The following DNASE2B variants were observed in gnomAD, a reference collection of about 807,000 sequenced individuals.
DNASE2B encodes the protein deoxyribonuclease-2-beta.
In DNASE2B, 43 loss-of-function variants were observed where a neutral mutation model predicts 46.0. The ratio of observed to expected loss-of-function variants is 0.94; its 90% confidence interval spans 0.73 to 1.21. The LOEUF is 1.21. Among genes scored for constraint, DNASE2B ranks in the 50% most tolerant of loss-of-function variants. The pLI is 0.00. For missense variants in DNASE2B, 395 were observed against 414.4 expected (o/e 0.95, Z 0.41); for synonymous variants, 156 against 152.5 (o/e 1.02, Z -0.17).
intron 1 of DNASE2B, among the ~76,000 whole-genome samples, chr1:84,399,515 C>T (rs1382139304): frequency 2.6e-5 from 4 of 152,078 alleles, no homozygotes; most frequent in African/African-American, 4.8e-5. Flanking sequence ...AGGTGGAACA[C>T]TGGGGAACAG....
chr1:84,411,095 T>C, intron 4 of DNASE2B, 96 bp downstream of exon 4: 8 of 1,374,162 alleles, frequency 5.8e-6, no homozygotes, highest in Middle Eastern at 1.8e-4. Context: ...TGTTAATCTA[T>C]TCATAGACCC....
At chr1:84,402,175 C>T in intron 2 of DNASE2B, 97 bp downstream of exon 2, 16 of 1,241,908 alleles carry the variant, frequency 1.3e-5, no homozygotes, top group East Asian at 2.7e-5. Flanking sequence ...CACCCAACCC[C>T]CAATCCTAGC....
chr1:84,401,668 C>T (rs1291225279), intron 1 of DNASE2B, among the ~76,000 whole-genome samples: 1 of 152,172 alleles, frequency 6.6e-6, no homozygotes, highest in African/African-American at 2.4e-5. Flanking sequence ...TCAGGGACTC[C>T]ACCCACCAGT....
chr1:84,400,188 G>A (rs965321508), intron 1 of DNASE2B, among the ~76,000 whole-genome samples: 1 of 152,094 alleles, frequency 6.6e-6, no homozygotes, highest in African/African-American at 2.4e-5. Flanking sequence ...GACCAACATG[G>A]AGAAACCCCA....
intron 4 of DNASE2B, 27 bp downstream of exon 4, chr1:84,411,026 A>G (rs1375129196): frequency 6.5e-7 from 1 of 1,537,076 alleles, no homozygotes; most frequent in Non-Finnish European, 8.7e-7. Context: ...TGAGAAAAAA[A>G]ACGATAACTA....
rs777991220 is a variant in DNASE2B at position 84,414,571 on chromosome 1, G to A, written c.789G>A (p.Leu263=). 1.2e-5 allele frequency: 19 copies of A among 1,613,820 alleles called. No homozygotes were observed. The highest frequency in any genetic ancestry group is 3.4e-6 in the Non-Finnish European group (4 of 1,179,946). ...TGGCTCAACGGCTGAAGACACACTT[G>A]TTAACAGAAACCTGGCAGCGAAAAA... ...AWMAQRLKTH[L]LTETWQRKRQ... The change falls in exon 6 of 6, where the codon TTG becomes TTA. Residue 263 remains leucine (L), a synonymous_variant. Transcript: ENST00000370665.
chr1:84,399,111 A>G (rs1680356351), intron 1 of DNASE2B, among the ~76,000 whole-genome samples: 2 of 152,258 alleles, frequency 1.3e-5, no homozygotes, highest in Admixed American at 1.3e-4. Flanking sequence ...CTTATGAGAA[A>G]GAGAAGGGGG....
chr1:84,402,468 T>G (rs1680437782), intron 2 of DNASE2B, among the ~76,000 whole-genome samples: 1 of 152,224 alleles, frequency 6.6e-6, no homozygotes, highest in South Asian at 2.1e-4. Flanking sequence ...AGTTATGGAT[T>G]GTTTATATCA....
Position 84,414,955 on chromosome 1 carries a change from G to A in DNASE2B, c.*87G>A, listed in dbSNP as rs916351086. 4 of 943,248 alleles carry A rather than the reference G, an allele frequency of 4.2e-6. No individual in the cohort carries two copies. Among genetic ancestry groups the A allele is most frequent in the East Asian group, 2.6e-5 (1 of 38,582 alleles). 58.4% of individuals were successfully genotyped at this position (943,248 alleles called of 1,614,324 possible). A position where few individuals can be genotyped will look rare whatever the true frequency, so the allele number is the denominator to read the frequency against. The stretch of plus-strand genomic sequence containing the variant: ...CACCTTCTTTATATTTTAAAGGCCT[G>A]TGAATATACTTATAACCTGCATATC... On this transcript the variant is annotated 3_prime_UTR_variant, in exon 6 of 6. Transcript: ENST00000370665.
intron 2 of DNASE2B, among the ~76,000 whole-genome samples, chr1:84,405,753 C>T (rs1230910320): frequency 6.6e-6 from 1 of 152,150 alleles, no homozygotes; most frequent in African/African-American, 2.4e-5. Context: ...GACTTGAGCT[C>T]ACCTCAATGG....
chr1:84,407,572 G>T (rs1027718914), intron 2 of DNASE2B, among the ~76,000 whole-genome samples: 2 of 151,774 alleles, frequency 1.3e-5, no homozygotes, highest in Non-Finnish European at 2.9e-5. Flanking sequence ...AAGGACATAG[G>T]TTATCCTTTC....
chr1:84,398,773 G>A (rs1558495652), intron 1 of DNASE2B, 84 bp downstream of exon 1: 1 of 1,538,638 alleles, frequency 6.5e-7, no homozygotes, highest in East Asian at 2.3e-5. Flanking sequence ...TTCCTAAGGG[G>A]AATGTCCATT....
chr1:84,409,640 C>A (rs538544213), intron 3 of DNASE2B, among the ~76,000 whole-genome samples: 2 of 152,178 alleles, frequency 1.3e-5, no homozygotes, highest in East Asian at 3.8e-4. Context: ...ACCCTATTTA[C>A]TGGGAACCCA....
chr1:84,402,057 A>G lies in DNASE2B; in HGVS notation c.282A>G (p.Leu94=). The change falls in exon 2 of 6, where the codon CTA becomes CTG. Residue 94 remains leucine (L), a synonymous_variant. Transcript: ENST00000370665. ...KSVLGRTLQQ[L]YEAYASKSNN... ...TTTTGGGAAGGACATTACAACAGCT[A>G]TATGAAGCATATGCCTCTAAGGTAT... 6.2e-7 allele frequency: 1 copy of G among 1,605,806 alleles called. No individual in the cohort carries two copies. Among genetic ancestry groups the G allele is most frequent in the East Asian group, 2.2e-5 (1 of 44,638 alleles).
chr1:84,412,363 G>A lies in DNASE2B; in HGVS notation c.562G>A (p.Val188Ile). 3.9e-6 allele frequency: 6 copies of A among 1,547,690 alleles called. No homozygotes were observed. The African/African-American group carries it at 6.9e-5, about 18-fold the overall frequency. The change falls in exon 5 of 6, where the codon GTC becomes ATC. Residue 188 changes from valine to isoleucine, a missense_variant. By Grantham distance (29) the Val-to-Ile change is conservative (BLOSUM62 3). Coordinates refer to ENST00000370665, the MANE Select transcript of DNASE2B (RefSeq NM_021233.3). ...QYEAIDSQLL[V>I]CNPNVYSCSI... is the part of the protein sequence containing the mutation. ...TCTTGATTCAGATTCTCAGCTCTTG[G>A]TCTGCAACCCCAACGTCTATAGCTG... is the stretch of plus-strand genomic sequence containing the variant.
At chr1:84,412,269 C>T (rs1680611775) in intron 4 of DNASE2B, 80 bp from the exon 5 acceptor site, 2 of 1,231,258 alleles carry the variant, frequency 1.6e-6, no homozygotes, top group Admixed American at 3.2e-5. Context: ...TTTTTAAATC[C>T]ACAAAAAGAT....
At chr1:84,400,417 TAG>T (rs1680384873) in intron 1 of DNASE2B, among the ~76,000 whole-genome samples, 1 of 152,138 alleles carries the variant, frequency 6.6e-6, no homozygotes, top group Admixed American at 6.6e-5. Context: ...GAAATAATTT[TAG>T]GCTTCTGCTT....
chr1:84,406,071 GT>G (rs144937477), intron 2 of DNASE2B, among the ~76,000 whole-genome samples: 9 of 147,196 alleles, frequency 6.1e-5, no homozygotes, highest in African/African-American at 1.8e-4. Flanking sequence ...TCATCTGTGA[GT>G]TTTTTTTTTC....
Position 84,402,024 on chromosome 1 carries a change from CA to C in DNASE2B, c.251del (p.Lys84ArgfsTer25). 2 of 1,610,348 alleles carry C rather than the reference CA, an allele frequency of 1.2e-6. No individual in the cohort carries two copies. The highest frequency in any genetic ancestry group is 1.7e-6 in the Non-Finnish European group (2 of 1,178,532). On this transcript the variant is annotated frameshift_variant, in exon 2 of 6. Transcript: ENST00000370665. LOFTEE classifies it high-confidence loss of function. ...AGAGTGAGCAACTAATGAATGACAC[CA>C]AGAGTGTTTTGGGAAGGACATTACA... ...RKSEQLMNDT[K>X]SVLGRTLQQL...
Sources: gnomAD v4.1 joint callset for allele counts (sites outside exome capture counted in the v4.1 genomes callset) on GRCh38, gnomAD v4.1.1 for gene constraint, MANE v1.5 for transcripts, NCBI Gene and HGNC (gene_info 2026-07-23, HGNC 2026-07-21) for gene names.